The following DNAH7 variants were observed in gnomAD, a reference collection of about 807,000 sequenced individuals.
The protein encoded by DNAH7 is dynein axonemal heavy chain 7.
DNAH7 carries 397 observed loss-of-function variants against 444.6 expected under a neutral mutation model. The observed-to-expected ratio is 0.89, with a 90% CI of 0.82 to 0.97. DNAH7 has a LOEUF of 0.97. Among genes scored for constraint, DNAH7 ranks in the 50% least tolerant of loss-of-function variants. The probability of loss-of-function intolerance (pLI) is 0.00; values close to 1 mark genes in which losing one functional copy is unlikely to be tolerated. For missense variants in DNAH7, 4,902 were observed against 4,800.8 expected (o/e 1.02, Z -0.62); for synonymous variants, 1,636 against 1,624.4 (o/e 1.01, Z -0.17).
At chr2:195,813,536 C>A (rs572031511) in intron 51 of DNAH7, among the ~76,000 whole-genome samples, 1 of 152,176 alleles carries the variant, frequency 6.6e-6, no homozygotes, top group African/African-American at 2.4e-5. Flanking sequence ...TGCAAAACTA[C>A]CTCCTGTCAT....
chr2:196,057,753 T>C (rs1697897203), intron 2 of DNAH7, among the ~76,000 whole-genome samples: 1 of 152,208 alleles, frequency 6.6e-6, no homozygotes, highest in Non-Finnish European at 1.5e-5. Flanking sequence ...CTGTAGAAGT[T>C]ATAATAGTTT....
intron 21 of DNAH7, among the ~76,000 whole-genome samples, chr2:195,934,346 C>G (rs1194171044): frequency 6.6e-6 from 1 of 152,234 alleles, no homozygotes; most frequent in Non-Finnish European, 1.5e-5. Context: ...AAGAAATGAG[C>G]AGATGCATTA....
intron 63 of DNAH7, among the ~76,000 whole-genome samples, chr2:195,744,177 G>A (rs920634289): frequency 2.0e-5 from 3 of 152,250 alleles, no homozygotes; most frequent in Non-Finnish European, 4.4e-5. Flanking sequence ...GCCCTTTTCT[G>A]ACGGGCTTAA....
intron 51 of DNAH7, among the ~76,000 whole-genome samples, chr2:195,813,408 T>C (rs1267211006): frequency 6.6e-6 from 1 of 152,216 alleles, no homozygotes; most frequent in Non-Finnish European, 1.5e-5. Flanking sequence ...CAGTAATGTC[T>C]TTCTCAAAGA....
intron 48 of DNAH7, among the ~76,000 whole-genome samples, chr2:195,825,479 T>A (rs1697695546): frequency 6.6e-6 from 1 of 152,214 alleles, no homozygotes; most frequent in Non-Finnish European, 1.5e-5. Flanking sequence ...AATCACTGCA[T>A]AATAGTGTAT....
At chr2:195,806,617 T>G in intron 54 of DNAH7, 123 bp downstream of exon 54, 2 of 658,620 alleles carry the variant, frequency 3.0e-6, no homozygotes, top group Non-Finnish European at 4.8e-6. Context: ...TAGAAAGAAG[T>G]GGGATTATTT....
rs1356980468 is a variant in DNAH7, at chr2:196,012,899, G to A, written c.877C>T (p.Arg293Cys). ...DLWHTNFKKL[R>C]LVDIKEFHNC... ...TGAAATTCTTTGATATCAACTAAAC[G>A]TAATTTTCTGCAAAAGATAAAAATA... The change falls in exon 10 of 65, where the codon CGT becomes TGT. Residue 293 changes from arginine to cysteine, a missense_variant. Transcript: ENST00000312428. 11 of 1,480,752 alleles carry A rather than the reference G, an allele frequency of 7.4e-6. No homozygotes were observed. The highest frequency in any genetic ancestry group is 2.9e-5 in the African/African-American group (2 of 69,372). 91.7% of individuals were successfully genotyped at this position (1,480,752 alleles called of 1,614,324 possible).
At chr2:195,945,936 C>G (rs933886808) in intron 19 of DNAH7, among the ~76,000 whole-genome samples, 1 of 152,068 alleles carries the variant, frequency 6.6e-6, no homozygotes, top group South Asian at 2.1e-4. Context: ...TTAACTAGTT[C>G]CCATTCCCTG....
At chr2:196,045,088 AAAG>A in intron 5 of DNAH7, among the ~76,000 whole-genome samples, 1 of 151,390 alleles carries the variant, frequency 6.6e-6, no homozygotes, top group East Asian at 1.9e-4. Flanking sequence ...GGAGAGAAGA[AAAG>A]AAGGAGAAGG....
chr2:195,743,468 T>TA (rs11435882), intron 63 of DNAH7, among the ~76,000 whole-genome samples: 42,827 of 152,126 alleles, frequency 0.28, 6,216 homozygotes, highest in Middle Eastern at 0.42. Flanking sequence ...TTTCATTGTA[T>TA]TTTAATTTAA....
chr2:196,032,113 G>C (rs1026909035), intron 5 of DNAH7, among the ~76,000 whole-genome samples: 1 of 152,180 alleles, frequency 6.6e-6, no homozygotes, highest in Non-Finnish European at 1.5e-5. Context: ...AAGGCAAAAG[G>C]CACTTCTTAC....
chr2:196,066,713 T>G (rs953734341), intron 1 of DNAH7, among the ~76,000 whole-genome samples: 2 of 152,206 alleles, frequency 1.3e-5, no homozygotes, highest in Admixed American at 1.3e-4. Flanking sequence ...TCCATGTCAC[T>G]CTCAACCTTC....
chr2:195,776,181 C>T (rs1231563847), intron 59 of DNAH7, among the ~76,000 whole-genome samples, 198 bp from the exon 60 acceptor site: 2 of 152,084 alleles, frequency 1.3e-5, no homozygotes, highest in African/African-American at 2.4e-5. Context: ...CGGTGGCTCA[C>T]GCCTGTAATC....
rs552183801 is a variant in DNAH7, at chr2:195,903,255, G to A, written c.4336-2761C>T. ...ATTGGTACAATAAAAAAAAAATTAA[G>A]CAATAACTTTTTACCATTTACTTTT... On this transcript the variant is annotated intron_variant, in intron 27 of 64. Transcript: ENST00000312428. The A allele has an allele frequency of 3.9e-5, 6 of 152,084 alleles. No homozygotes were observed. The East Asian group carries it at 1.2e-3, about 29-fold the overall frequency. The allele number at this position is 152,084 out of a possible 1,614,324, so 9.4% of individuals were successfully genotyped here.
intron 5 of DNAH7, among the ~76,000 whole-genome samples, chr2:196,039,586 C>T (rs1391796159): frequency 6.6e-6 from 1 of 151,858 alleles, no homozygotes; most frequent in Admixed American, 6.6e-5. Flanking sequence ...TCACTTGAGG[C>T]CAGGAGTTAG....
intron 38 of DNAH7, among the ~76,000 whole-genome samples, chr2:195,875,147 T>C (rs1433950386): frequency 6.6e-6 from 1 of 152,226 alleles, no homozygotes; most frequent in Non-Finnish European, 1.5e-5. Flanking sequence ...AAGGATCTTT[T>C]GGCCATTCCC....
At chr2:195,783,505 A>C (rs1284575096) in intron 58 of DNAH7, among the ~76,000 whole-genome samples, 1 of 152,078 alleles carries the variant, frequency 6.6e-6, no homozygotes, top group Non-Finnish European at 1.5e-5. Flanking sequence ...CTGTCTTCAC[A>C]TGGCTGTCTT....
At chr2:195,837,561 G>T (rs184613397) in intron 47 of DNAH7, among the ~76,000 whole-genome samples, 1 of 152,262 alleles carries the variant, frequency 6.6e-6, no homozygotes, top group Admixed American at 6.5e-5. Context: ...CCATGCAGCA[G>T]GCACAGGTAG....
chr2:196,030,721 AT>A (rs1042198266), intron 5 of DNAH7, among the ~76,000 whole-genome samples: 1 of 152,202 alleles, frequency 6.6e-6, no homozygotes, highest in African/African-American at 2.4e-5. Flanking sequence ...GGGCAGTAAA[AT>A]TTTAAAGCTC....
Sources: allele counts gnomAD v4.1 joint callset (sites outside exome capture counted in the v4.1 genomes callset), GRCh38; gene constraint gnomAD v4.1.1; transcripts MANE v1.5; gene names NCBI Gene and HGNC (gene_info 2026-07-23, HGNC 2026-07-21).